FLYWCH1: variants seen among roughly 807,000 people sequenced by gnomAD.
FLYWCH1 encodes FLYWCH-type zinc finger-containing protein 1.
FLYWCH1 carries 75 observed loss-of-function variants against 66.4 expected under a neutral mutation model. The ratio of observed to expected loss-of-function variants is 1.13; its 90% confidence interval spans 0.94 to 1.37. FLYWCH1 has a LOEUF of 1.37. Among genes scored for constraint, FLYWCH1 ranks in the 40% most tolerant of loss-of-function variants. The pLI is 0.00. For missense variants in FLYWCH1, 1,334 were observed against 1,001.8 expected, an observed-to-expected ratio of 1.33 and a Z score of -4.48; for synonymous variants, 595 against 429.9, an observed-to-expected ratio of 1.38 and a Z score of -4.75.
intron 9 of FLYWCH1, among the ~76,000 whole-genome samples, chr16:2,946,498 T>G (rs1390383910): frequency 6.6e-6 from 1 of 151,830 alleles, no homozygotes; most frequent in Non-Finnish European, 1.5e-5. Context: ...ATTTTTTGTA[T>G]TTTTAGTAGA....
At chr16:2,946,235 C>T (rs1426559489) in intron 9 of FLYWCH1, among the ~76,000 whole-genome samples, 2 of 151,920 alleles carry the variant, frequency 1.3e-5, no homozygotes, top group African/African-American at 4.8e-5. Context: ...CTTTAGGCCT[C>T]CACGTTCACT....
chr16:2,927,336 G>T (rs1054251386), intron 2 of FLYWCH1, among the ~76,000 whole-genome samples: 5 of 152,192 alleles, frequency 3.3e-5, no homozygotes, highest in Non-Finnish European at 5.9e-5. Context: ...GGTACCGGCC[G>T]GGGAAGGGGC....
chr16:2,934,853 G>A lies in FLYWCH1; in HGVS notation c.1513+874G>A, dbSNP rs1036785768. On this transcript the variant is annotated intron_variant, in intron 6 of 9. Coordinates refer to ENST00000253928, the MANE Select transcript of FLYWCH1 (RefSeq NM_001308068.2). ...TTGGCTGCCCTATTTCCTAAAATGTGCCTCCACTACTATTAATTGGTTTTT... is the reference window on the plus strand; with the variant it reads ...TTGGCTGCCCTATTTCCTAAAATGTACCTCCACTACTATTAATTGGTTTTT... The A allele has an allele frequency of 1.4e-5, 4 of 292,738 alleles. No homozygotes were observed. In the Admixed American group the frequency reaches 2.0e-4, roughly 15 times the overall value. The allele number at this position is 292,738 out of a possible 1,614,324, so 18.1% of individuals were successfully genotyped here. A position where few individuals can be genotyped will look rare whatever the true frequency, so the allele number is the denominator to read the frequency against.
intron 8 of FLYWCH1, chr16:2,939,807 C>CCCCACTATTTTCCAT (rs1485664280): frequency 2.3e-6 from 1 of 439,920 alleles, no homozygotes; most frequent in Non-Finnish European, 4.1e-6. Context: ...TCTAGTTGAC[C>CCCCACTATTTTCCAT]CCCACTATTT....
At chr16:2,930,350 T>C in intron 3 of FLYWCH1, 60 bp from the exon 4 acceptor site, 1 of 1,098,734 alleles carries the variant, frequency 9.1e-7, no homozygotes, top group Non-Finnish European at 1.3e-6. Flanking sequence ...CCTGGCTCTC[T>C]GTGCCTGCGA....
intron 2 of FLYWCH1, chr16:2,923,072 T>C: frequency 9.9e-6 from 4 of 405,372 alleles, no homozygotes; most frequent in South Asian, 7.8e-5. Context: ...TGCGGATCTA[T>C]TTTTTTTATA....
intron 9 of FLYWCH1, among the ~76,000 whole-genome samples, chr16:2,941,352 A>G (rs182407811): frequency 1.3e-5 from 2 of 152,314 alleles, no homozygotes; most frequent in African/African-American, 4.8e-5. Context: ...AATAAAACTT[A>G]TGGGATGCAC....
rs149430008 is a variant in FLYWCH1 at position 2,945,719 on chromosome 16, C to T, written c.2112-2969C>T. Reference sequence around the variant, plus strand: ...CTTAAAAATAAAAGCTTATAGAGGCCGGGTGCGGTGGCTCATGCCTGTAAT... The same window carrying T: ...CTTAAAAATAAAAGCTTATAGAGGCTGGGTGCGGTGGCTCATGCCTGTAAT... On this transcript the variant is annotated intron_variant, in intron 9 of 9. Coordinates refer to ENST00000253928, the MANE Select transcript of FLYWCH1 (RefSeq NM_001308068.2). Among the ~76,000 whole-genome samples, 183 of 151,752 alleles carry T rather than the reference C, an allele frequency of 1.2e-3. 2 individuals carry two copies. The highest frequency in any genetic ancestry group is 3.9e-3 in the African/African-American group (161 of 41,386).
Position 2,930,787 on chromosome 16 carries a change from G to T in FLYWCH1, c.703G>T (p.Val235Leu), listed in dbSNP as rs756518910. 7 of 1,592,760 alleles carry T rather than the reference G, an allele frequency of 4.4e-6. No homozygotes were observed. Among genetic ancestry groups the T allele is most frequent in the Non-Finnish European group, 6.0e-6 (7 of 1,174,294 alleles). ...PEEPEPTPGL[V>L]LSKPALEEEE... Reference sequence around the variant, plus strand: ...GGAGCCCGAGCCCACTCCTGGGCTGGTGCTGAGCAAGCCGGCCCTGGAGGA... The same window carrying T: ...GGAGCCCGAGCCCACTCCTGGGCTGTTGCTGAGCAAGCCGGCCCTGGAGGA... Residue 235 changes from valine to leucine, a missense_variant, in exon 4 of 10, where the codon GTG becomes TTG. Val to Leu is a conservative substitution (Grantham distance 32, BLOSUM62 1). Coordinates refer to ENST00000253928, the MANE Select transcript of FLYWCH1 (RefSeq NM_001308068.2).
chr16:2,932,549 C>T (rs944439513), intron 4 of FLYWCH1, among the ~76,000 whole-genome samples: 1 of 152,098 alleles, frequency 6.6e-6, no homozygotes, highest in South Asian at 2.1e-4. Context: ...CCACGTGGCT[C>T]CTGACACAGC....
intron 4 of FLYWCH1, among the ~76,000 whole-genome samples, chr16:2,932,853 G>A (rs1477099382): frequency 6.6e-6 from 1 of 151,686 alleles, no homozygotes; most frequent in Non-Finnish European, 1.5e-5. Context: ...AGCTAGGAGA[G>A]GAATGAGACT....
At chr16:2,918,424 G>A (rs1199166186) in intron 2 of FLYWCH1, among the ~76,000 whole-genome samples, 1 of 151,776 alleles carries the variant, frequency 6.6e-6, no homozygotes, top group Non-Finnish European at 1.5e-5. Flanking sequence ...TGGGATTACA[G>A]GCGTGAGCCA....
At chr16:2,943,302 G>A (rs527308340) in intron 9 of FLYWCH1, 4 of 152,056 alleles carry the variant, frequency 2.6e-5, no homozygotes, top group South Asian at 4.2e-4. Flanking sequence ...GGGACCCCAG[G>A]GGAGGGGACT....
chr16:2,938,266 G>A lies in FLYWCH1; in HGVS notation c.1860G>A (p.Glu620=). 6.2e-7 allele frequency: 1 copy of A among 1,613,152 alleles called. No homozygotes were observed. Among genetic ancestry groups the A allele is most frequent in the Non-Finnish European group, 8.5e-7 (1 of 1,179,582 alleles). ...LVHESFLYRK[E]KAAGEKVYWM... is the part of the protein sequence containing the mutation. ...ACGAGTCCTTCCTCTACAGGAAGGA[G>A]AAGGCGGCTGGGGAGAAGGTGTACT... is the stretch of plus-strand genomic sequence containing the variant. The change falls in exon 8 of 10, where the codon GAG becomes GAA. Residue 620 remains glutamate (E), a synonymous_variant. Transcript: ENST00000253928.
chr16:2,919,942 C>A (rs963193955), intron 2 of FLYWCH1, among the ~76,000 whole-genome samples: 1 of 152,046 alleles, frequency 6.6e-6, no homozygotes, highest in Non-Finnish European at 1.5e-5. Context: ...TGGAAAGACT[C>A]CAGGTGGCCT....
At chr16:2,930,966 C>G in intron 4 of FLYWCH1, 86 bp downstream of exon 4, 2 of 1,031,566 alleles carry the variant, frequency 1.9e-6, no homozygotes. Flanking sequence ...ATGTGGGGTC[C>G]CACAGGGTCT....
intron 9 of FLYWCH1, among the ~76,000 whole-genome samples, 176 bp from the exon 10 acceptor site, chr16:2,948,512 G>A (rs762778780): frequency 8.6e-5 from 13 of 151,640 alleles, no homozygotes; most frequent in African/African-American, 1.5e-4. Flanking sequence ...GCAGTGAGCC[G>A]AGATCGCACC....
intron 7 of FLYWCH1, among the ~76,000 whole-genome samples, chr16:2,937,925 G>T (rs1356990903): frequency 6.6e-6 from 1 of 152,142 alleles, no homozygotes; most frequent in Admixed American, 6.5e-5. Context: ...CTGAGGGGTT[G>T]GGAGAGTCCT....
At chr16:2,941,427 G>A (rs191927096) in intron 9 of FLYWCH1, among the ~76,000 whole-genome samples, 2 of 152,268 alleles carry the variant, frequency 1.3e-5, no homozygotes, top group Admixed American at 1.3e-4. Flanking sequence ...AAGAAGCCTG[G>A]GCAACATGGT....
Sources: gnomAD v4.1 joint callset for allele counts (sites outside exome capture counted in the v4.1 genomes callset) on GRCh38, gnomAD v4.1.1 for gene constraint, MANE v1.5 for transcripts, NCBI Gene and HGNC (gene_info 2026-07-23, HGNC 2026-07-21) for gene names.